NPHP4: variants seen among roughly 807,000 people sequenced by gnomAD.
NPHP4 encodes nephrocystin 4.
A neutral mutation model predicts 155.8 loss-of-function variants in NPHP4; 151 were observed. That is an observed-to-expected ratio of 0.97 (90% CI 0.85 to 1.11). The LOEUF (loss-of-function observed/expected upper bound fraction) is 1.11, where lower values mean the gene tolerates loss of function less well. NPHP4 is among the 50% of genes least tolerant of loss of function. The pLI is 0.00. For synonymous variants in NPHP4, 845 were observed against 816.8 expected (o/e 1.03, Z -0.59); for missense variants, 1,956 against 1,925.7 (o/e 1.02, Z -0.29).
In NPHP4 at chr1:5,890,955, G is replaced by C; in HGVS notation, c.2217C>G (p.Ala739=). The C allele has an allele frequency of 6.2e-7, 1 of 1,603,494 alleles. No homozygotes were observed. ...GCAGGGTCTGCACGGCCAGGTAGCG[G>C]GCAAAGCAGCGCCGCTCACCTGGCT... ...FLKPGERRCF[A]RYLAVQTLQI... Residue 739 remains alanine (A), a synonymous_variant, in exon 17 of 30, where the codon GCC becomes GCG. Transcript: ENST00000378156. The surrounding 1 kb of genome is among the most constrained non-coding windows in gnomAD (Gnocchi z 4.9).
At chr1:5,954,442 T>C (rs895357375) in intron 6 of NPHP4, among the ~76,000 whole-genome samples, 38 of 152,338 alleles carry the variant, frequency 2.5e-4, no homozygotes, top group Admixed American at 1.0e-3. Flanking sequence ...GCAGGAACTG[T>C]AGATTATTTT....
chr1:5,906,964 G>A (rs1644939276), intron 13 of NPHP4, 151 bp downstream of exon 13: 1 of 472,184 alleles, frequency 2.1e-6, no homozygotes. Context: ...AGGCCTCAGA[G>A]TAAGCAATGC....
chr1:5,987,146 G>A (rs1570771083), intron 1 of NPHP4, among the ~76,000 whole-genome samples: 3 of 151,938 alleles, frequency 2.0e-5, no homozygotes, highest in Admixed American at 2.0e-4. Flanking sequence ...AAGCCATTTG[G>A]GGACAGGTTT....
intron 6 of NPHP4, among the ~76,000 whole-genome samples, chr1:5,954,474 T>C (rs1648804828): frequency 6.6e-6 from 1 of 152,222 alleles, no homozygotes; most frequent in African/African-American, 2.4e-5. Flanking sequence ...TTTTCTATAT[T>C]GTCCCCATCA....
chr1:5,935,470 A>C (rs1646490487), intron 9 of NPHP4, among the ~76,000 whole-genome samples: 1 of 152,262 alleles, frequency 6.6e-6, no homozygotes, highest in African/African-American at 2.4e-5. Context: ...CCAAATACAA[A>C]AACAATGTCT....
Position 5,873,294 on chromosome 1 carries a change from C to CA in NPHP4, c.3272dup (p.Ser1092ValfsTer11), listed in dbSNP as rs777884325. The CA allele has an allele frequency of 1.1e-5, 17 of 1,613,868 alleles. No homozygotes were observed. In the South Asian group the frequency reaches 1.8e-4, roughly 17 times the overall value. On this transcript the variant is annotated frameshift_variant, in exon 23 of 30. Coordinates refer to ENST00000378156, the MANE Select transcript of NPHP4 (RefSeq NM_015102.5). LOFTEE classifies it high-confidence loss of function. Reference sequence around the variant, plus strand: ...GCACTGCGCTGGACTTCCAAGGTGACACGGCGTCCATGCCCTTCTCGTTGC... The same window carrying CA: ...GCACTGCGCTGGACTTCCAAGGTGACAACGGCGTCCATGCCCTTCTCGTTGC...
Position 5,890,596 on chromosome 1 carries a change from G to A in NPHP4, c.2304+272C>T, listed in dbSNP as rs1031755774. Among the ~76,000 whole-genome samples the A allele has an allele frequency of 2.0e-5, 3 of 152,130 alleles. No homozygotes were observed. The highest frequency in any genetic ancestry group is 6.5e-5 in the Admixed American group (1 of 15,276). Reference sequence around the variant, plus strand: ...GGAGGAGATGAAGTGACACTGCCTGGTAGGTCAGTTTGCAGGAGAAATAGA... The same window carrying A: ...GGAGGAGATGAAGTGACACTGCCTGATAGGTCAGTTTGCAGGAGAAATAGA... On this transcript the variant is annotated intron_variant, in intron 17 of 29. Coordinates refer to ENST00000378156, the MANE Select transcript of NPHP4 (RefSeq NM_015102.5). This position sits in a 1 kb window ranked among gnomAD's most constrained non-coding sequence, Gnocchi z 4.9.
At chr1:5,888,286 G>T in intron 17 of NPHP4, 2 of 957,906 alleles carry the variant, frequency 2.1e-6, no homozygotes, top group Non-Finnish European at 2.5e-6. Context: ...GGATGACAAC[G>T]GCCTCACGGC....
intron 6 of NPHP4, among the ~76,000 whole-genome samples, chr1:5,955,915 G>A (rs1466829063): frequency 1.3e-5 from 2 of 152,180 alleles, no homozygotes; most frequent in Non-Finnish European, 2.9e-5. Context: ...CAGAAATGAT[G>A]AGTGTGGGAG....
chr1:5,906,972 T>C (rs1644939521), intron 13 of NPHP4, 143 bp downstream of exon 13: 1 of 479,948 alleles, frequency 2.1e-6, no homozygotes, highest in African/African-American at 2.0e-5. Flanking sequence ...GAGTAAGCAA[T>C]GCCCCACTCC....
intron 12 of NPHP4, among the ~76,000 whole-genome samples, chr1:5,908,697 T>C (rs1645032510): frequency 6.6e-6 from 1 of 152,190 alleles, no homozygotes; most frequent in South Asian, 2.1e-4. Flanking sequence ...AGCTTGTGGT[T>C]CTCAGCAGTG....
Position 5,873,376 on chromosome 1 carries a change from C to G in NPHP4, c.3232-41G>C. ...AGCACAAGCAGGTCAGGAAGCAACACCATTAGGCGACCAGCACCTGTGCTT... is the reference window on the plus strand; with the variant it reads ...AGCACAAGCAGGTCAGGAAGCAACAGCATTAGGCGACCAGCACCTGTGCTT... On this transcript the variant is annotated intron_variant, in intron 22 of 29. Transcript: ENST00000378156. The G allele has an allele frequency of 2.6e-6, 4 of 1,525,452 alleles. 1 individual carries two copies. In the South Asian group the frequency reaches 4.5e-5, roughly 17 times the overall value. 94.5% of individuals were successfully genotyped at this position (1,525,452 alleles called of 1,614,324 possible).
intron 3 of NPHP4, among the ~76,000 whole-genome samples, chr1:5,975,256 C>T (rs1653336393): frequency 6.6e-6 from 1 of 152,206 alleles, no homozygotes; most frequent in African/African-American, 2.4e-5. Context: ...AAAACCTTTG[C>T]TCTGTATGAG....
chr1:5,865,323 G>T (rs553363916), intron 26 of NPHP4, 50 bp from the exon 27 acceptor site: 2 of 1,446,548 alleles, frequency 1.4e-6, no homozygotes, highest in South Asian at 2.8e-5. Context: ...ACTCAGCACC[G>T]GCCCACGAGA....
At chr1:5,895,739 C>G (rs1026201198) in intron 16 of NPHP4, among the ~76,000 whole-genome samples, 6 of 152,106 alleles carry the variant, frequency 3.9e-5, no homozygotes, top group Non-Finnish European at 8.8e-5. Flanking sequence ...CAGAAAGAAC[C>G]AAGGTTACTA....
chr1:5,991,983 A>T (rs996899790), intron 1 of NPHP4, among the ~76,000 whole-genome samples: 4 of 149,868 alleles, frequency 2.7e-5, no homozygotes, highest in African/African-American at 7.5e-5. Context: ...AAAGGAACCC[A>T]CGTAGCCAAA....
Position 5,904,821 on chromosome 1 carries a change from C to G in NPHP4, c.1956-17G>C. 3.1e-6 allele frequency: 5 copies of G among 1,613,230 alleles called. No individual in the cohort carries two copies. Among genetic ancestry groups the G allele is most frequent in the Non-Finnish European group, 4.2e-6 (5 of 1,179,248 alleles). ...TGGGCCACTCTGAATCCAACAACAGCTCTGGGTTAACTGAGTATCCATGGC... is the reference window on the plus strand; with the variant it reads ...TGGGCCACTCTGAATCCAACAACAGGTCTGGGTTAACTGAGTATCCATGGC... On this transcript the variant is annotated splice_polypyrimidine_tract_variant and intron_variant, in intron 15 of 29. Coordinates refer to ENST00000378156, the MANE Select transcript of NPHP4 (RefSeq NM_015102.5).
chr1:5,964,931 A>ATTTTTTTTTTTTT (rs1188241159), intron 5 of NPHP4, among the ~76,000 whole-genome samples: 1 of 23,900 alleles, frequency 4.2e-5, no homozygotes, highest in Non-Finnish European at 7.0e-5. Flanking sequence ...ATATATATAT[A>ATTTTTTTTTTTTT]TATATATATA....
intron 2 of NPHP4, among the ~76,000 whole-genome samples, chr1:5,982,212 C>T (rs1418658374): frequency 6.6e-6 from 1 of 152,084 alleles, no homozygotes; most frequent in Non-Finnish European, 1.5e-5. Context: ...TGCTCATATA[C>T]AGTCATGTGT....
Sources: allele counts gnomAD v4.1 joint callset (sites outside exome capture counted in the v4.1 genomes callset), GRCh38; gene constraint gnomAD v4.1.1; non-coding constraint Gnocchi (gnomAD v3.1); transcripts MANE v1.5; gene names NCBI Gene and HGNC (gene_info 2026-07-23, HGNC 2026-07-21).